SYNPR: variants seen among roughly 807,000 people sequenced by gnomAD.
The protein encoded by SYNPR is synaptoporin.
SYNPR carries 23 observed loss-of-function variants against 32.9 expected under a neutral mutation model. The ratio of observed to expected loss-of-function variants is 0.70; its 90% CI spans 0.50 to 0.99. The LOEUF (loss-of-function observed/expected upper bound fraction) is 0.99, where lower values mean the gene tolerates loss of function less well. SYNPR is among the 50% of genes least tolerant of loss of function. The pLI, the probability that SYNPR is intolerant of heterozygous loss-of-function variation, is 0.00. For synonymous variants in SYNPR, 146 were observed against 135.9 expected, an observed-to-expected ratio of 1.07 and a Z score of -0.52; for missense variants, 318 against 349.3, an observed-to-expected ratio of 0.91 and a Z score of 0.71.
At chr3:63,224,115 C>G (rs2086112199), upstream of SYNPR, among the ~76,000 whole-genome samples, 1 of 152,130 alleles carries the variant, frequency 6.6e-6, no homozygotes, top group African/African-American at 2.4e-5. Flanking sequence ...ACAGAATGGA[C>G]CAGTACTGAT....
intron 4 of SYNPR, among the ~76,000 whole-genome samples, chr3:63,568,800 C>G (rs1031179872): frequency 2.6e-5 from 4 of 152,154 alleles, no homozygotes; most frequent in Non-Finnish European, 2.9e-5. Flanking sequence ...CTGAAGCCAG[C>G]ACATTCTAGA....
intron 3 of SYNPR, among the ~76,000 whole-genome samples, chr3:63,541,222 G>T (rs1702296321): frequency 6.6e-6 from 1 of 150,838 alleles, no homozygotes; most frequent in African/African-American, 2.4e-5. Flanking sequence ...CCAGTGTACT[G>T]CCAATTCTTT....
chr3:63,463,214 T>C (rs1376365049), intron 2 of SYNPR, among the ~76,000 whole-genome samples: 4 of 152,108 alleles, frequency 2.6e-5, no homozygotes, highest in Admixed American at 2.6e-4. Flanking sequence ...TATTTTACCG[T>C]TGCAATGAAG....
upstream of SYNPR, among the ~76,000 whole-genome samples, chr3:63,275,096 T>C (rs2086562664): frequency 6.6e-6 from 1 of 152,230 alleles, no homozygotes; most frequent in Admixed American, 6.5e-5. Context: ...AACTTTATCC[T>C]TCATCTATCA....
intron 2 of SYNPR, among the ~76,000 whole-genome samples, chr3:63,455,272 T>C (rs1474262487): frequency 6.6e-6 from 1 of 152,118 alleles, no homozygotes; most frequent in African/African-American, 2.4e-5. Flanking sequence ...ATAACTCTTA[T>C]AGGACAATTA....
At chr3:63,443,458 ATAT>A (rs1700218519) in intron 2 of SYNPR, 2 of 1,607,638 alleles carry the variant, frequency 1.2e-6, no homozygotes, top group Non-Finnish European at 1.7e-6. Context: ...GTGTATGGTG[ATAT>A]TTGCTCCGGT....
chr3:63,531,470 T>G (rs1279567769), intron 3 of SYNPR, among the ~76,000 whole-genome samples: 1 of 152,126 alleles, frequency 6.6e-6, no homozygotes, highest in African/African-American at 2.4e-5. Flanking sequence ...GTGTGTCTAT[T>G]TACATAACTG....
At chr3:63,271,767 C>G (rs992110103) in intron 3 of SYNPR, among the ~76,000 whole-genome samples, 1 of 151,880 alleles carries the variant, frequency 6.6e-6, no homozygotes, top group South Asian at 2.1e-4. Flanking sequence ...ATTATATAAT[C>G]CTAGGATTAT....
At chr3:63,220,601 C>T in the SYNPR span, among the ~76,000 whole-genome samples, 2 of 152,124 alleles carry the variant, frequency 1.3e-5, no homozygotes, top group African/African-American at 2.4e-5. Context: ...TTTCTGGTGC[C>T]GTGAAAGTCA....
At chr3:63,613,104 C>G (rs796103282) in intron 5 of SYNPR, among the ~76,000 whole-genome samples, 1 of 151,822 alleles carries the variant, frequency 6.6e-6, no homozygotes, top group Admixed American at 6.6e-5. Context: ...TTCCAAGTAC[C>G]CCTTCTGAGT....
chr3:63,350,456 C>T (rs548151250), intron 2 of SYNPR, among the ~76,000 whole-genome samples: 3 of 152,170 alleles, frequency 2.0e-5, no homozygotes, highest in Non-Finnish European at 4.4e-5. Flanking sequence ...CAGACTATAT[C>T]GTGATAGGAG....
intron 2 of SYNPR, among the ~76,000 whole-genome samples, chr3:63,298,366 T>G (rs541899846): frequency 6.6e-6 from 1 of 152,300 alleles, no homozygotes; most frequent in South Asian, 2.1e-4. Flanking sequence ...CACCTTACTT[T>G]GAATTTCCCT....
chr3:63,378,554 T>G (rs1292202638), intron 2 of SYNPR, among the ~76,000 whole-genome samples: 1 of 152,116 alleles, frequency 6.6e-6, no homozygotes, highest in East Asian at 1.9e-4. Flanking sequence ...ACTATGAGTA[T>G]GTAATAAGTC....
rs555479653 is a variant in SYNPR, at chr3:63,581,325, A to G, written c.408+24584A>G. On this transcript the variant is annotated intron_variant, in intron 4 of 5. Coordinates refer to ENST00000478300, the MANE Select transcript of SYNPR (RefSeq NM_001130003.2). ...GGAGGAGGGAGGTTGTATGTTGGGG[A>G]CAGGGGTAGGTGGTTGTAGCACTAA... 2.6e-5 allele frequency among the ~76,000 whole-genome samples: 4 copies of G among 152,246 alleles called. No individual in the cohort carries two copies. In the East Asian group the frequency reaches 5.8e-4, roughly 22 times the overall value.
At chr3:63,277,433 A>G (rs2086587227), upstream of SYNPR, among the ~76,000 whole-genome samples, 1 of 152,150 alleles carries the variant, frequency 6.6e-6, no homozygotes, top group African/African-American at 2.4e-5. Flanking sequence ...TCAAGAAAAC[A>G]GTCTAACTTT....
intron 4 of SYNPR, among the ~76,000 whole-genome samples, chr3:63,569,663 G>A (rs549552513): frequency 2.0e-5 from 3 of 152,362 alleles, no homozygotes; most frequent in East Asian, 1.9e-4. Flanking sequence ...GCATAGCCAC[G>A]CAAGCGTAGG....
At chr3:63,266,091 T>C (rs536605408) in intron 2 of SYNPR, among the ~76,000 whole-genome samples, 1 of 152,222 alleles carries the variant, frequency 6.6e-6, no homozygotes, top group South Asian at 2.1e-4. Flanking sequence ...GCTGCAAAGA[T>C]CCAAACCAGG....
chr3:63,528,404 C>T (rs1055057373), intron 3 of SYNPR, among the ~76,000 whole-genome samples: 1 of 152,066 alleles, frequency 6.6e-6, no homozygotes, highest in African/African-American at 2.4e-5. Flanking sequence ...ACTGTTTTTC[C>T]ATGAAACCCT....
intron 2 of SYNPR, among the ~76,000 whole-genome samples, chr3:63,389,423 T>G (rs977346579): frequency 1.3e-5 from 2 of 152,212 alleles, no homozygotes; most frequent in African/African-American, 4.8e-5. Flanking sequence ...AGTGGCAAAC[T>G]TATCATCCCA....
Sources: allele counts gnomAD v4.1 joint callset (sites outside exome capture counted in the v4.1 genomes callset), GRCh38; gene constraint gnomAD v4.1.1; transcripts MANE v1.5; gene names NCBI Gene and HGNC (gene_info 2026-07-23, HGNC 2026-07-21).